BOD1: variants seen among roughly 807,000 people sequenced by gnomAD.
BOD1 encodes the protein biorientation of chromosomes in cell division 1, also known as biorientation of chromosomes in cell division protein 1.
BOD1 carries 11 observed loss-of-function variants against 15.7 expected under a neutral mutation model. That is an observed-to-expected ratio of 0.70 (90% confidence interval 0.44 to 1.16). The LOEUF is 1.16. Ranked by LOEUF, BOD1 falls within the 50% of genes most tolerant of loss-of-function variation. BOD1 has a pLI of 0.00. For synonymous variants in BOD1, 105 were observed against 103.5 expected (o/e 1.01, Z -0.09); for missense variants, 182 against 244.5 (o/e 0.74, Z 1.70).
chr5:173,612,826 C>G (rs1444622378), intron 2 of BOD1, among the ~76,000 whole-genome samples: 2 of 152,218 alleles, frequency 1.3e-5, no homozygotes, highest in Non-Finnish European at 2.9e-5. Context: ...ATAAAACTCA[C>G]ATATATGTTT....
At chr5:173,614,933 C>T (rs1755452710) in intron 1 of BOD1, 1 of 152,260 alleles carries the variant, frequency 6.6e-6, no homozygotes. Flanking sequence ...CAAGTACTTC[C>T]ATACCGCAAC....
chr5:173,608,443 A>G (rs949901189), intron 3 of BOD1, among the ~76,000 whole-genome samples, 151 bp from the exon 4 acceptor site: 3 of 152,232 alleles, frequency 2.0e-5, no homozygotes, highest in Non-Finnish European at 4.4e-5. Context: ...CTCTCAATAG[A>G]GGAACAAAAA....
chr5:173,615,178 G>GTA (rs1367190762), intron 1 of BOD1, among the ~76,000 whole-genome samples: 1 of 152,192 alleles, frequency 6.6e-6, no homozygotes, highest in African/African-American at 2.4e-5. Context: ...AAGGAACAGT[G>GTA]TATACCACTT....
intron 2 of BOD1, chr5:173,609,728 T>C (rs1755298606): frequency 3.0e-6 from 1 of 334,268 alleles, no homozygotes; most frequent in Non-Finnish European, 5.5e-6. Context: ...AACAAACAAA[T>C]GACAGCATGG....
chr5:173,616,188 G>A lies in BOD1; in HGVS notation c.237+12C>T, dbSNP rs1043758789. On this transcript the variant is annotated intron_variant, in intron 1 of 3. Transcript: ENST00000311086. ...CAGCCCCGCTCCCCAACGCCCAGGC[G>A]GCCGCAGCTACCTTGGTGTCCACGT... The A allele has an allele frequency of 4.5e-6, 7 of 1,572,374 alleles. No homozygotes were observed. The highest frequency in any genetic ancestry group is 5.2e-6 in the Non-Finnish European group (6 of 1,159,952).
chr5:173,615,412 G>C lies in BOD1; in HGVS notation c.237+788C>G, dbSNP rs565579694. ...TGTGAGGTAAGCAAAATGTTTCCATGACAGGCTCTGGTAGGAGAAATCACT... is the reference window on the plus strand; with the variant it reads ...TGTGAGGTAAGCAAAATGTTTCCATCACAGGCTCTGGTAGGAGAAATCACT... On this transcript the variant is annotated intron_variant, in intron 1 of 3. Coordinates refer to ENST00000311086, the MANE Select transcript of BOD1 (RefSeq NM_138369.3). Among the ~76,000 whole-genome samples, 40 of 152,348 alleles carry C rather than the reference G, an allele frequency of 2.6e-4. No individual in the cohort carries two copies. In the South Asian group the frequency reaches 7.0e-3, roughly 27 times the overall value.
intron 1 of BOD1, chr5:173,614,805 G>A (rs1383669174): frequency 6.6e-6 from 1 of 152,340 alleles, no homozygotes; most frequent in Non-Finnish European, 1.5e-5. Context: ...CCCCTCAGGG[G>A]ATACGTTCCA....
chr5:173,616,169 C>T (rs1466499933), intron 1 of BOD1, 31 bp downstream of exon 1: 3 of 1,561,276 alleles, frequency 1.9e-6, no homozygotes, highest in Non-Finnish European at 8.7e-7. Flanking sequence ...CGTGCAGCCC[C>T]GCTCCCCAAC....
Position 173,616,590 on chromosome 5 carries a change from G to GGGC in BOD1, c.-157_-155dup, listed in dbSNP as rs1302755731. ...GCGATGGCGGCAGGGGCGGTGGTGGGGGCGGCGGCGGCGAAGGCCCCCTCT... is the reference window on the plus strand; with the variant it reads ...GCGATGGCGGCAGGGGCGGTGGTGGGGGCGGCGGCGGCGGCGAAGGCCCCCTCT... On this transcript the variant is annotated 5_prime_UTR_variant, in exon 1 of 4. Coordinates refer to ENST00000311086, the MANE Select transcript of BOD1 (RefSeq NM_138369.3). The GGGC allele has an allele frequency of 1.9e-3, 2,535 of 1,356,876 alleles. 45 individuals carry two copies. In the African/African-American group the frequency reaches 0.034, roughly 18 times the overall value. 84.1% of individuals were successfully genotyped at this position (1,356,876 alleles called of 1,614,324 possible). A position where few individuals can be genotyped will look rare whatever the true frequency, so the allele number is the denominator to read the frequency against.
intron 2 of BOD1, among the ~76,000 whole-genome samples, chr5:173,612,110 G>A (rs553613126): frequency 1.3e-5 from 2 of 152,354 alleles, no homozygotes; most frequent in East Asian, 3.9e-4. Flanking sequence ...AGAATGACAA[G>A]GCACTGGGCA....
chr5:173,611,256 AGC>A (rs1755344464), intron 2 of BOD1, among the ~76,000 whole-genome samples: 1 of 152,250 alleles, frequency 6.6e-6, no homozygotes, highest in South Asian at 2.1e-4. Flanking sequence ...TCAGTGCAAT[AGC>A]ACAGGCTAAT....
At chr5:173,610,057 C>T (rs1271819153) in intron 2 of BOD1, among the ~76,000 whole-genome samples, 1 of 152,164 alleles carries the variant, frequency 6.6e-6, no homozygotes, top group Non-Finnish European at 1.5e-5. Flanking sequence ...TAAATTACAT[C>T]CCCGATCCTT....
chr5:173,610,592 A>T (rs896193121), intron 2 of BOD1, among the ~76,000 whole-genome samples: 2 of 152,212 alleles, frequency 1.3e-5, no homozygotes, highest in Non-Finnish European at 2.9e-5. Flanking sequence ...CGTTAAATAC[A>T]GCAAAGTTAG....
At chr5:173,609,529 C>T in intron 2 of BOD1, 95 bp from the exon 3 acceptor site, 1 of 1,256,274 alleles carries the variant, frequency 8.0e-7, no homozygotes, top group Non-Finnish European at 1.1e-6. Context: ...TAAATGTCCA[C>T]CTTCAAAGCT....
Position 173,616,443 on chromosome 5 carries a change from G to GC in BOD1, c.-8dup. On this transcript the variant is annotated 5_prime_UTR_variant, in exon 1 of 4. Coordinates refer to ENST00000311086, the MANE Select transcript of BOD1 (RefSeq NM_138369.3). Reference sequence around the variant, plus strand: ...CGCCGCCGCCGTCCGCCATGGCTGCGCCCCGGGCCCACAAGGGAGAACGAC... The same window carrying GC: ...CGCCGCCGCCGTCCGCCATGGCTGCGCCCCCGGGCCCACAAGGGAGAACGAC... The GC allele has an allele frequency of 7.1e-6, 11 of 1,556,764 alleles. No homozygotes were observed. The highest frequency in any genetic ancestry group is 9.5e-6 in the Non-Finnish European group (11 of 1,163,016).
At position 173,612,237 on chromosome 5, in the gene BOD1, G is replaced by A. The variant is rs575594242; in HGVS notation, c.362+894C>T. ...AATCGCTGCATATTCACAGGAAGTTGTGAAGAAGAGTCCAGGGAGTTCCAC... is the reference window on the plus strand; with the variant it reads ...AATCGCTGCATATTCACAGGAAGTTATGAAGAAGAGTCCAGGGAGTTCCAC... On this transcript the variant is annotated intron_variant, in intron 2 of 3. Coordinates refer to ENST00000311086, the MANE Select transcript of BOD1 (RefSeq NM_138369.3). Among the ~76,000 whole-genome samples, 24 of 152,370 alleles carry A rather than the reference G, an allele frequency of 1.6e-4. No individual in the cohort carries two copies. In the South Asian group the frequency reaches 4.1e-3, roughly 26 times the overall value.
rs910113303 is a variant in BOD1 at position 173,608,041 on chromosome 5, T to C, written c.*253A>G. The C allele has an allele frequency of 2.1e-6, 1 of 477,558 alleles. No individual in the cohort carries two copies. Among genetic ancestry groups the C allele is most frequent in the Admixed American group, 3.6e-5 (1 of 27,912 alleles). The allele number at this position is 477,558 out of a possible 1,614,324, so 29.6% of individuals were successfully genotyped here. A position where few individuals can be genotyped will look rare whatever the true frequency, so the allele number is the denominator to read the frequency against. ...ACCCTGGGTTGCTGTAGTGTTTCTC[T>C]CTCTGTAGTGTCTACTTGGTGTCAT... On this transcript the variant is annotated 3_prime_UTR_variant, in exon 4 of 4. Transcript: ENST00000311086.
Position 173,613,402 on chromosome 5 carries a change from G to C in BOD1, c.238-147C>G, listed in dbSNP as rs1015446006. 5 of 979,098 alleles carry C rather than the reference G, an allele frequency of 5.1e-6. No individual in the cohort carries two copies. The African/African-American group carries it at 8.3e-5, about 16-fold the overall frequency. The allele number at this position is 979,098 out of a possible 1,614,324, so 60.7% of individuals were successfully genotyped here. On this transcript the variant is annotated intron_variant, in intron 1 of 3. Coordinates refer to ENST00000311086, the MANE Select transcript of BOD1 (RefSeq NM_138369.3). ...ATGAAGATCACCATGCAATGTGGCA[G>C]TCAGGAATTAATGGTTAACACAAGT...
intron 1 of BOD1, among the ~76,000 whole-genome samples, chr5:173,613,901 T>G (rs1581245556): frequency 1.3e-5 from 2 of 152,220 alleles, no homozygotes; most frequent in South Asian, 4.1e-4. Flanking sequence ...TGTCTTCCTC[T>G]CTTCACAAGG....
Sources: allele counts gnomAD v4.1 joint callset (sites outside exome capture counted in the v4.1 genomes callset), GRCh38; gene constraint gnomAD v4.1.1; transcripts MANE v1.5; gene names NCBI Gene and HGNC (gene_info 2026-07-23, HGNC 2026-07-21).